The following GABRB1 variants were observed in gnomAD, a reference collection of about 807,000 sequenced individuals.
The protein encoded by GABRB1 is gamma-aminobutyric acid receptor subunit beta-1.
GABRB1 carries 17 observed loss-of-function variants against 51.6 expected under a neutral mutation model. The observed-to-expected ratio is 0.33, with a 90% confidence interval of 0.23 to 0.49. The LOEUF is 0.49. GABRB1 is among the 20% of genes least tolerant of loss of function. The pLI, the probability that GABRB1 is intolerant of heterozygous loss-of-function variation, is 0.99. For missense variants in GABRB1, 410 were observed against 600.6 expected (o/e 0.68, Z 3.32); for synonymous variants, 247 against 218.9 (o/e 1.13, Z -1.14).
intron 8 of GABRB1, among the ~76,000 whole-genome samples, chr4:47,419,155 C>T (rs1228484866): frequency 6.6e-6 from 1 of 152,130 alleles, no homozygotes. Flanking sequence ...GTCTGTTTTG[C>T]TCACCACCAT....
intron 1 of GABRB1, among the ~76,000 whole-genome samples, chr4:47,009,515 G>GT (rs1560494728): frequency 1.3e-5 from 2 of 152,028 alleles, no homozygotes; most frequent in Admixed American, 6.5e-5. Flanking sequence ...ATCAATTTTA[G>GT]TTTTTTTAAG....
intron 4 of GABRB1, among the ~76,000 whole-genome samples, chr4:47,312,362 T>A (rs1724722939): frequency 6.6e-6 from 1 of 152,152 alleles, no homozygotes; most frequent in Non-Finnish European, 1.5e-5. Flanking sequence ...GTCACAACTA[T>A]GAAGATAATG....
At chr4:47,203,074 C>A (rs1019843562) in intron 4 of GABRB1, among the ~76,000 whole-genome samples, 1 of 152,186 alleles carries the variant, frequency 6.6e-6, no homozygotes, top group Non-Finnish European at 1.5e-5. Flanking sequence ...AGGAAAAGTG[C>A]TGGCCCTGTA....
chr4:47,261,425 G>C (rs1393753567), intron 4 of GABRB1, among the ~76,000 whole-genome samples: 1 of 152,118 alleles, frequency 6.6e-6, no homozygotes, highest in Non-Finnish European at 1.5e-5. Flanking sequence ...CAAATCATGA[G>C]TGAACTCCCA....
chr4:47,288,976 G>A (rs1723621384), intron 4 of GABRB1, among the ~76,000 whole-genome samples: 1 of 151,888 alleles, frequency 6.6e-6, no homozygotes, highest in African/African-American at 2.4e-5. Flanking sequence ...TACTAGCATG[G>A]CACCTTATTG....
At chr4:47,415,616 G>A (rs1728890887) in intron 8 of GABRB1, among the ~76,000 whole-genome samples, 1 of 152,114 alleles carries the variant, frequency 6.6e-6, no homozygotes, top group Admixed American at 6.5e-5. Context: ...ATGCAATTAG[G>A]CATACTTCAA....
chr4:47,019,923 C>CGTATAT (rs1202108810), intron 1 of GABRB1, among the ~76,000 whole-genome samples: 3 of 51,292 alleles, frequency 5.8e-5, no homozygotes, highest in African/African-American at 8.4e-5. Context: ...TATATGTATA[C>CGTATAT]GTATATGTAT....
intron 4 of GABRB1, among the ~76,000 whole-genome samples, chr4:47,242,225 C>T (rs371666454): frequency 6.6e-6 from 1 of 152,102 alleles, no homozygotes; most frequent in Non-Finnish European, 1.5e-5. Flanking sequence ...CTCATCCTTT[C>T]TTATGGCTGC....
chr4:47,005,081 A>T (rs1192175163), intron 1 of GABRB1, among the ~76,000 whole-genome samples: 1 of 152,170 alleles, frequency 6.6e-6, no homozygotes, highest in Non-Finnish European at 1.5e-5. Flanking sequence ...TCCTAGGGTT[A>T]ATGTCCCAGA....
chr4:47,109,122 G>T (rs555483239), intron 3 of GABRB1, among the ~76,000 whole-genome samples: 1 of 152,192 alleles, frequency 6.6e-6, no homozygotes, highest in African/African-American at 2.4e-5. Flanking sequence ...AATATTTTTA[G>T]CAGACTAGTG....
intron 4 of GABRB1, among the ~76,000 whole-genome samples, chr4:47,174,879 CCCTTCCTTCTTTCCTTCCTT>C (rs1214055397): frequency 2.4e-4 from 36 of 148,474 alleles, no homozygotes; most frequent in East Asian, 6.0e-4. Flanking sequence ...TTCCCTCCCT[CCCTTCCTTCTTTCCTTCCTT>C]CCTTCCTTCT....
intron 1 of GABRB1, among the ~76,000 whole-genome samples, chr4:47,000,817 G>T (rs1724156467): frequency 6.6e-6 from 1 of 152,152 alleles, no homozygotes; most frequent in African/African-American, 2.4e-5. Flanking sequence ...AGCATTTCAA[G>T]TTAGACTGAA....
intron 5 of GABRB1, among the ~76,000 whole-genome samples, chr4:47,401,549 A>G (rs1364224922): frequency 6.6e-6 from 1 of 152,108 alleles, no homozygotes; most frequent in African/African-American, 2.4e-5. Context: ...CTAGTGGCTG[A>G]GGGGGGAAAG....
intron 5 of GABRB1, among the ~76,000 whole-genome samples, chr4:47,338,997 G>C (rs1379310385): frequency 5.9e-5 from 9 of 152,040 alleles, no homozygotes. Flanking sequence ...AAAAAAACTT[G>C]GTTAATAATT....
chr4:47,330,227 T>A (rs1232246224), intron 5 of GABRB1, among the ~76,000 whole-genome samples: 1 of 152,190 alleles, frequency 6.6e-6, no homozygotes, highest in African/African-American at 2.4e-5. Context: ...GGGGGCAAGC[T>A]GCTTTATTCA....
intron 1 of GABRB1, among the ~76,000 whole-genome samples, chr4:47,020,583 G>A (rs939653344): frequency 4.6e-5 from 7 of 152,054 alleles, no homozygotes; most frequent in South Asian, 2.1e-4. Context: ...CGAAGATATC[G>A]GAGTCATCTT....
At chr4:47,092,012 G>A (rs1451807335) in intron 3 of GABRB1, among the ~76,000 whole-genome samples, 1 of 151,962 alleles carries the variant, frequency 6.6e-6, no homozygotes, top group Non-Finnish European at 1.5e-5. Flanking sequence ...GACTGGGTCA[G>A]TATCTCCCCC....
chr4:47,388,876 A>G (rs1017261294), intron 5 of GABRB1, among the ~76,000 whole-genome samples: 3 of 152,170 alleles, frequency 2.0e-5, no homozygotes, highest in African/African-American at 7.2e-5. Flanking sequence ...TAAAAAAAGA[A>G]AAAAAGGATT....
intron 4 of GABRB1, among the ~76,000 whole-genome samples, chr4:47,176,918 A>G: frequency 6.6e-6 from 1 of 152,152 alleles, no homozygotes; most frequent in Non-Finnish European, 1.5e-5. Context: ...TCCTTCTAAA[A>G]TGAAGAAACT....
Sources: gnomAD v4.1 joint callset for allele counts (sites outside exome capture counted in the v4.1 genomes callset) on GRCh38, gnomAD v4.1.1 for gene constraint, MANE v1.5 for transcripts, NCBI Gene and HGNC (gene_info 2026-07-23, HGNC 2026-07-21) for gene names.